Variants in SCUBE1 observed in about 807,000 individuals in gnomAD.
SCUBE1 encodes the protein signal peptide, CUB domain and EGF like domain containing 1, also known as signal peptide, CUB and EGF-like domain-containing protein 1.
Under a neutral mutation model 124.4 loss-of-function variants are expected in SCUBE1, and 59 were observed. The ratio of observed to expected loss-of-function variants is 0.47; its 90% CI spans 0.38 to 0.59. SCUBE1 has a LOEUF of 0.59. Ranked by LOEUF, SCUBE1 falls within the 20% of genes least tolerant of loss-of-function variation. SCUBE1 has a pLI of 0.00. For synonymous variants in SCUBE1, 545 were observed against 550.9 expected, an observed-to-expected ratio of 0.99 and a Z score of 0.15; for missense variants, 1,150 against 1,371.2, an observed-to-expected ratio of 0.84 and a Z score of 2.55.
intron 4 of SCUBE1, among the ~76,000 whole-genome samples, chr22:43,284,671 C>G (rs960331713): frequency 6.6e-6 from 1 of 152,230 alleles, no homozygotes; most frequent in African/African-American, 2.4e-5. Flanking sequence ...TGTAAGGACG[C>G]AATGAATGGA....
chr22:43,325,836 G>A (rs1382831233), intron 2 of SCUBE1, among the ~76,000 whole-genome samples: 2 of 152,032 alleles, frequency 1.3e-5, no homozygotes, highest in South Asian at 2.1e-4. Context: ...ACCCAGCTCC[G>A]CTTTTTGTGT....
At chr22:43,301,399 C>T (rs1925766727) in intron 3 of SCUBE1, among the ~76,000 whole-genome samples, 2 of 152,208 alleles carry the variant, frequency 1.3e-5, no homozygotes, top group African/African-American at 2.4e-5. Flanking sequence ...CCCCCGGGCT[C>T]CTCCTCGCTC....
At chr22:43,336,878 C>T (rs758781261) in intron 2 of SCUBE1, among the ~76,000 whole-genome samples, 1 of 152,142 alleles carries the variant, frequency 6.6e-6, no homozygotes, top group Non-Finnish European at 1.5e-5. Flanking sequence ...GAGCTCCAGG[C>T]AGGCGGAAAA....
At chr22:43,212,938 C>T (rs1302496302) in intron 16 of SCUBE1, among the ~76,000 whole-genome samples, 3 of 152,114 alleles carry the variant, frequency 2.0e-5, no homozygotes, top group Non-Finnish European at 2.9e-5. Context: ...AGGGGCTGTC[C>T]CCGGGGGGTA....
chr22:43,306,465 A>T (rs1925973555), intron 3 of SCUBE1, among the ~76,000 whole-genome samples: 1 of 152,100 alleles, frequency 6.6e-6, no homozygotes, highest in Non-Finnish European at 1.5e-5. Flanking sequence ...CAAGCCACCA[A>T]ATTGAGACCT....
rs144545043 is a variant in SCUBE1 at position 43,198,204 on chromosome 22, TGAGC to T, written c.*5789_*5792del. 0.039 allele frequency: 10,817 copies of T among 277,316 alleles called. 329 individuals are homozygous for T. The highest frequency in any genetic ancestry group is 0.087 in the South Asian group (2,426 of 27,800). 17.2% of individuals were successfully genotyped at this position (277,316 alleles called of 1,614,324 possible). ...AGCCTGGCACCCAGTGGGCACTGAG[TGAGC>T]GTCAGCTTCCCCACCTTTCCCTTCT... On this transcript the variant is annotated 3_prime_UTR_variant, in exon 22 of 22. Transcript: ENST00000360835.
intron 3 of SCUBE1, among the ~76,000 whole-genome samples, chr22:43,291,500 C>G (rs1400874316): frequency 1.1e-5 from 1 of 90,006 alleles, no homozygotes; most frequent in Non-Finnish European, 2.8e-5. Flanking sequence ...CAGTGGGTCT[C>G]CATTTTGCTG....
Position 43,279,057 on chromosome 22 carries a change from G to A in SCUBE1, c.484+11989C>T, listed in dbSNP as rs9620132. Among the ~76,000 whole-genome samples, 1,048 of 152,306 alleles carry A rather than the reference G, an allele frequency of 6.9e-3. 13 individuals carry two copies. Among genetic ancestry groups the A allele is most frequent in the African/African-American group, 0.024 (989 of 41,568 alleles). On this transcript the variant is annotated intron_variant, in intron 4 of 21. Transcript: ENST00000360835. ...GAGTCAAGAGGAAGCTCGAGGACCA[G>A]CCTGGAAGAGGCTCTTGGGAGGGCC...
rs764330119 is a variant in SCUBE1 at position 43,204,023 on chromosome 22, A to C, written c.2941T>G (p.Ser981Ala). 1 of 1,614,114 alleles carries C rather than the reference A, an allele frequency of 6.2e-7. No homozygotes were observed. The highest frequency in any genetic ancestry group is 8.5e-7 in the Non-Finnish European group (1 of 1,180,004). ...TATTTGTAGGGCCGCAGGAACCGAG[A>C]CACTTTGGAGCGCAGCAGTTTGATG... ...SFIKLLRSKV[S>A]RFLRPYK Residue 981 changes from serine (S) to alanine (A), a missense_variant, in exon 22 of 22, where the codon TCT becomes GCT. By Grantham distance (99) the Ser-to-Ala change is moderately conservative (BLOSUM62 1). This residue lies in a region of SCUBE1 where 757 missense variants were observed against 840.9 expected (regional missense o/e 0.90). Coordinates refer to ENST00000360835, the MANE Select transcript of SCUBE1 (RefSeq NM_173050.5).
At chr22:43,245,236 T>A (rs1472006907) in intron 6 of SCUBE1, among the ~76,000 whole-genome samples, 3 of 152,316 alleles carry the variant, frequency 2.0e-5, no homozygotes, top group African/African-American at 7.2e-5. Context: ...GAATGTGGCC[T>A]CCCTTGCGCC....
Position 43,258,328 on chromosome 22 carries a change from A to C in SCUBE1, c.618T>G (p.Cys206Trp). The part of the protein sequence containing the change: ...AQNQKDCTLT[C>W]NYGNGGCQHS... Reference sequence around the variant, plus strand: ...GCTGGCAGCCTCCGTTTCCATAATTACAGGTTACTAGTTAGGCCCAAAGTG... The same window carrying C: ...GCTGGCAGCCTCCGTTTCCATAATTCCAGGTTACTAGTTAGGCCCAAAGTG... Residue 206 changes from cysteine (C) to tryptophan (W), a missense_variant, in exon 6 of 22, where the codon TGT (cysteine) becomes TGG (tryptophan). This residue lies in a region of SCUBE1 where 337 missense variants were observed against 482.1 expected (regional missense o/e 0.70). Transcript: ENST00000360835. The surrounding 1 kb of genome is among the most constrained non-coding windows in gnomAD (Gnocchi z 5.0). The C allele has an allele frequency of 6.2e-7, 1 of 1,612,596 alleles. No homozygotes were observed. The highest frequency in any genetic ancestry group is 8.5e-7 in the Non-Finnish European group (1 of 1,178,578).
At chr22:43,245,119 C>T (rs936261935) in intron 6 of SCUBE1, among the ~76,000 whole-genome samples, 17 of 152,286 alleles carry the variant, frequency 1.1e-4, no homozygotes, top group South Asian at 2.1e-4. Context: ...CCCTGGTCTC[C>T]CTGGCTGGCC....
chr22:43,290,812 G>C (rs1021293572), intron 4 of SCUBE1, among the ~76,000 whole-genome samples: 1 of 152,220 alleles, frequency 6.6e-6, no homozygotes, highest in Non-Finnish European at 1.5e-5. Context: ...GCTACTTGCG[G>C]CCCCACATAT....
intron 16 of SCUBE1, 44 bp downstream of exon 16, chr22:43,214,046 C>CGGGG: frequency 7.1e-6 from 3 of 422,700 alleles, no homozygotes; most frequent in Non-Finnish European, 1.2e-5. Flanking sequence ...GAGGAGCCCC[C>CGGGG]GCCCACCCCC....
chr22:43,222,947 C>G, intron 11 of SCUBE1, 150 bp downstream of exon 11: 1 of 1,196,026 alleles, frequency 8.4e-7, no homozygotes, highest in Middle Eastern at 2.8e-4. Flanking sequence ...CCACAGAAAA[C>G]CAGACAGCTG....
intron 3 of SCUBE1, among the ~76,000 whole-genome samples, chr22:43,306,089 C>A (rs1468739421): frequency 6.6e-6 from 1 of 152,182 alleles, no homozygotes; most frequent in South Asian, 2.1e-4. Flanking sequence ...CAGCCAGGCC[C>A]AGCAAACGTC....
intron 14 of SCUBE1, among the ~76,000 whole-genome samples, chr22:43,219,481 T>G (rs1239362226): frequency 1.3e-5 from 1 of 74,802 alleles, no homozygotes; most frequent in Admixed American, 1.1e-4. Flanking sequence ...AAACATTTCC[T>G]TTTTTTTTTT....
chr22:43,300,208 A>G (rs945435392), intron 3 of SCUBE1, among the ~76,000 whole-genome samples: 1 of 151,886 alleles, frequency 6.6e-6, no homozygotes, highest in Non-Finnish European at 1.5e-5. Flanking sequence ...ACTGTTTACC[A>G]CGGGCGACAC....
In SCUBE1 at chr22:43,275,443, C is replaced by T. The variant is rs375074188; in HGVS notation, c.485-12598G>A. On this transcript the variant is annotated intron_variant, in intron 4 of 21. Coordinates refer to ENST00000360835, the MANE Select transcript of SCUBE1 (RefSeq NM_173050.5). ...GTCTCATCTCCTCTACACTCCCATG[C>T]GGCATGTTTTCCTCTGCACCCTGCC... Among the ~76,000 whole-genome samples the T allele has an allele frequency of 8.5e-5, 13 of 152,302 alleles. No homozygotes were observed. In the East Asian group the frequency reaches 1.2e-3, roughly 14 times the overall value.
Sources: allele counts gnomAD v4.1 joint callset (sites outside exome capture counted in the v4.1 genomes callset), GRCh38; gene constraint gnomAD v4.1.1; regional missense constraint gnomAD v4.1.1; non-coding constraint Gnocchi (gnomAD v3.1); transcripts MANE v1.5; gene names NCBI Gene and HGNC (gene_info 2026-07-23, HGNC 2026-07-21).